MAP2: variants seen among roughly 807,000 people sequenced by gnomAD.
MAP2 encodes microtubule associated protein 2.
A neutral mutation model predicts 137.6 loss-of-function variants in MAP2; 14 were observed. The observed-to-expected ratio is 0.10, with a 90% confidence interval of 0.07 to 0.16. MAP2 has a LOEUF of 0.16. Ranked by LOEUF, MAP2 falls within the 10% of genes least tolerant of loss-of-function variation. The pLI is 1.00. For missense variants in MAP2, 2,088 were observed against 2,191.5 expected (o/e 0.95, Z 0.94); for synonymous variants, 786 against 782.3 (o/e 1.00, Z -0.08).
chr2:209,435,434 A>AT (rs1695681000), intron 1 of MAP2, among the ~76,000 whole-genome samples: 1 of 151,866 alleles, frequency 6.6e-6, no homozygotes, highest in South Asian at 2.1e-4. Flanking sequence ...ACTGAGGACA[A>AT]TAGCAATAGC....
intron 1 of MAP2, among the ~76,000 whole-genome samples, chr2:209,428,089 T>G (rs1207398423): frequency 6.6e-6 from 1 of 152,214 alleles, no homozygotes; most frequent in Non-Finnish European, 1.5e-5. Context: ...GTGAATTAGG[T>G]GAATTCAGAA....
intron 1 of MAP2, among the ~76,000 whole-genome samples, chr2:209,490,070 A>C (rs534205724): frequency 5.4e-4 from 83 of 152,364 alleles, no homozygotes; most frequent in African/African-American, 1.8e-3. Flanking sequence ...CATCAGACAC[A>C]GCAGATCTCT....
chr2:209,442,594 C>G (rs115783081), intron 1 of MAP2, among the ~76,000 whole-genome samples: 1 of 151,606 alleles, frequency 6.6e-6, no homozygotes, highest in East Asian at 1.9e-4. Context: ...ACTGGATGAT[C>G]TTTTCCATTG....
chr2:209,476,560 A>G (rs1034481869), intron 1 of MAP2, among the ~76,000 whole-genome samples: 1 of 152,188 alleles, frequency 6.6e-6, no homozygotes, highest in African/African-American at 2.4e-5. Context: ...GCCCAATGTA[A>G]TAAAACAGTC....
chr2:209,564,105 A>G (rs1343144585), intron 2 of MAP2, among the ~76,000 whole-genome samples: 1 of 151,754 alleles, frequency 6.6e-6, no homozygotes, highest in Non-Finnish European at 1.5e-5. Context: ...TTTACCTGTT[A>G]TTACCGATCG....
At chr2:209,643,265 T>C (rs1161413668) in intron 4 of MAP2, among the ~76,000 whole-genome samples, 1 of 152,202 alleles carries the variant, frequency 6.6e-6, no homozygotes, top group Non-Finnish European at 1.5e-5. Context: ...GAGTAGTTAG[T>C]GCTGCCTGGT....
At chr2:209,433,784 T>C (rs1694972404) in intron 1 of MAP2, among the ~76,000 whole-genome samples, 1 of 152,074 alleles carries the variant, frequency 6.6e-6, no homozygotes, top group Admixed American at 6.6e-5. Context: ...TTTTGGCTGT[T>C]GGTGAGTTAC....
intron 13 of MAP2, among the ~76,000 whole-genome samples, chr2:209,716,452 G>T (rs2067662039): frequency 2.0e-5 from 3 of 152,174 alleles, no homozygotes; most frequent in Non-Finnish European, 2.9e-5. Flanking sequence ...ATGGCCCTTG[G>T]GGCCACATGT....
intron 13 of MAP2, among the ~76,000 whole-genome samples, chr2:209,720,945 T>A (rs967264890): frequency 1.0e-4 from 15 of 147,898 alleles, no homozygotes; most frequent in Admixed American, 7.4e-4. Context: ...ACTCTTTGAT[T>A]TTTTTTTTTT....
intron 2 of MAP2, among the ~76,000 whole-genome samples, chr2:209,530,344 A>G (rs539869787): frequency 3.9e-5 from 6 of 152,328 alleles, no homozygotes; most frequent in African/African-American, 1.4e-4. Context: ...AAAAATAAAC[A>G]TGTGCCCAAC....
chr2:209,507,541 A>T (rs2061227306), intron 1 of MAP2, 51 bp from the exon 2 acceptor site: 1 of 152,148 alleles, frequency 6.6e-6, no homozygotes. Context: ...AGAAAAAGCC[A>T]GATTGTTCAA....
intron 4 of MAP2, among the ~76,000 whole-genome samples, chr2:209,627,950 T>C (rs779467917): frequency 1.3e-5 from 2 of 152,204 alleles, no homozygotes; most frequent in Non-Finnish European, 2.9e-5. Flanking sequence ...ACAAAATCTT[T>C]GCAATCATTT....
At chr2:209,452,588 A>G (rs1208787263) in intron 1 of MAP2, among the ~76,000 whole-genome samples, 1 of 152,146 alleles carries the variant, frequency 6.6e-6, no homozygotes, top group Non-Finnish European at 1.5e-5. Context: ...TTCGAATGAA[A>G]CTTCATCAGT....
chr2:209,661,700 T>G (rs1488331555), intron 5 of MAP2: 1 of 985,216 alleles, frequency 1.0e-6, no homozygotes, highest in East Asian at 1.1e-4. Context: ...CACGTTTGCT[T>G]TGTCCTATGT....
At chr2:209,593,934 A>AATATATATTT (rs1196601165) in intron 3 of MAP2, among the ~76,000 whole-genome samples, 2 of 132,944 alleles carry the variant, frequency 1.5e-5, no homozygotes, top group African/African-American at 5.6e-5. Flanking sequence ...AAAATATATA[A>AATATATATTT]ATATATATTT....
chr2:209,582,576 T>A (rs899065091), intron 3 of MAP2, among the ~76,000 whole-genome samples: 4 of 151,970 alleles, frequency 2.6e-5, no homozygotes, highest in Non-Finnish European at 5.9e-5. Context: ...CCCCTTTCTA[T>A]AAATGTAATA....
chr2:209,691,147 C>CG (rs2058766812), intron 7 of MAP2, among the ~76,000 whole-genome samples: 1 of 151,526 alleles, frequency 6.6e-6, no homozygotes, highest in South Asian at 2.1e-4. Context: ...ACCCGCCCCC[C>CG]CTCATCTCAA....
intron 2 of MAP2, among the ~76,000 whole-genome samples, chr2:209,549,573 A>G (rs1460190637): frequency 1.3e-5 from 2 of 152,272 alleles, no homozygotes; most frequent in East Asian, 3.9e-4. Flanking sequence ...TACTTTGTAA[A>G]AGATATTTGT....
At chr2:209,580,844 C>A (rs2076245681) in intron 3 of MAP2, among the ~76,000 whole-genome samples, 1 of 152,080 alleles carries the variant, frequency 6.6e-6, no homozygotes, top group South Asian at 2.1e-4. Flanking sequence ...ATTACCTTTT[C>A]TTTAAGACCG....
Sources: gnomAD v4.1 joint callset for allele counts (sites outside exome capture counted in the v4.1 genomes callset) on GRCh38, gnomAD v4.1.1 for gene constraint, MANE v1.5 for transcripts, NCBI Gene and HGNC (gene_info 2026-07-23, HGNC 2026-07-21) for gene names.